Variants in VPS35L observed in about 807,000 individuals in gnomAD.
VPS35L encodes VPS35 endosomal protein sorting factor like, also known as VPS35 endosomal protein-sorting factor-like.
In VPS35L, 83 loss-of-function variants were observed where a neutral mutation model predicts 133.0. The observed-to-expected ratio is 0.62, with a 90% CI of 0.52 to 0.75. VPS35L has a LOEUF of 0.75. Ranked by LOEUF, VPS35L falls within the 30% of genes least tolerant of loss-of-function variation. VPS35L has a pLI of 0.00. For synonymous variants in VPS35L, 423 were observed against 449.9 expected, an observed-to-expected ratio of 0.94 and a Z score of 0.76; for missense variants, 1,083 against 1,206.8, an observed-to-expected ratio of 0.90 and a Z score of 1.52.
intron 27 of VPS35L, among the ~76,000 whole-genome samples, chr16:19,681,049 C>T (rs1386064830): frequency 6.6e-6 from 1 of 152,170 alleles, no homozygotes. Context: ...GCCGTCTGGC[C>T]AAGCCCTGGG....
chr16:19,676,350 G>A (rs1975062023), intron 27 of VPS35L, among the ~76,000 whole-genome samples: 2 of 152,216 alleles, frequency 1.3e-5, no homozygotes, highest in South Asian at 4.1e-4. Flanking sequence ...GGAGTAAACA[G>A]TCCCCAGGGT....
At chr16:19,559,314 C>T (rs1339644643) in intron 1 of VPS35L, among the ~76,000 whole-genome samples, 2 of 152,160 alleles carry the variant, frequency 1.3e-5, no homozygotes, top group Non-Finnish European at 2.9e-5. Context: ...GATGTCATTG[C>T]TGGTGATCTG....
intron 6 of VPS35L, chr16:19,579,338 C>T: frequency 1.9e-6 from 1 of 515,968 alleles, no homozygotes; most frequent in Non-Finnish European, 3.5e-6. Context: ...TTTCTAGAGG[C>T]CTCTTTTCTC....
chr16:19,693,870 C>T (rs552872459), intron 29 of VPS35L, among the ~76,000 whole-genome samples: 35 of 145,930 alleles, frequency 2.4e-4, no homozygotes, highest in East Asian at 4.2e-4. Flanking sequence ...TTGAAGGCTG[C>T]GGCGGGAACT....
At chr16:19,666,967 CCTTTCTTCCTTTCTTT>C (rs1974708192) in intron 26 of VPS35L, among the ~76,000 whole-genome samples, 1 of 126,616 alleles carries the variant, frequency 7.9e-6, no homozygotes, top group African/African-American at 3.1e-5. Flanking sequence ...TTCCTTTCTT[CCTTTCTTCCTTTCTTT>C]CTTTCTTTCT....
chr16:19,556,090 C>T (rs111927496), intron 1 of VPS35L, among the ~76,000 whole-genome samples: 2 of 152,254 alleles, frequency 1.3e-5, no homozygotes, highest in African/African-American at 4.8e-5. Context: ...ATGGTGGACT[C>T]AGCTTTTAAA....
intron 1 of VPS35L, among the ~76,000 whole-genome samples, chr16:19,557,694 C>A (rs944049633): frequency 6.6e-6 from 1 of 152,030 alleles, no homozygotes; most frequent in African/African-American, 2.4e-5. Flanking sequence ...GTGCTCTGAA[C>A]ATTTCCTTTT....
At chr16:19,594,825 T>C (rs1014076765) in intron 8 of VPS35L, among the ~76,000 whole-genome samples, 11 of 151,098 alleles carry the variant, frequency 7.3e-5, no homozygotes, top group Admixed American at 6.6e-5. Flanking sequence ...ATGGAGGGAA[T>C]TAGGTGAGGG....
chr16:19,691,523 T>C (rs763582012), intron 29 of VPS35L, 52 bp downstream of exon 29: 2 of 1,463,670 alleles, frequency 1.4e-6, no homozygotes, highest in Admixed American at 3.4e-5. Flanking sequence ...AAGCACAAGT[T>C]TCCAGGGTGG....
At chr16:19,654,914 A>G (rs1974250840) in intron 26 of VPS35L, among the ~76,000 whole-genome samples, 1 of 152,214 alleles carries the variant, frequency 6.6e-6, no homozygotes, top group Admixed American at 6.5e-5. Context: ...GAAATTTATA[A>G]TTAGATCCCA....
At chr16:19,621,319 G>A (rs1010304409) in intron 14 of VPS35L, among the ~76,000 whole-genome samples, 1 of 152,250 alleles carries the variant, frequency 6.6e-6, no homozygotes, top group African/African-American at 2.4e-5. Context: ...TCTAGGACAT[G>A]GAAGTTGGGA....
At chr16:19,590,729 G>A (rs1461936319) in intron 7 of VPS35L, among the ~76,000 whole-genome samples, 2 of 151,908 alleles carry the variant, frequency 1.3e-5, no homozygotes, top group Non-Finnish European at 2.9e-5. Context: ...TGGGAGGATT[G>A]CTTGAGGTCA....
At chr16:19,573,387 A>G in intron 4 of VPS35L, 146 bp downstream of exon 4, 4 of 895,290 alleles carry the variant, frequency 4.5e-6, no homozygotes, top group Non-Finnish European at 6.5e-6. Context: ...ATAAGGCTTC[A>G]TGTAGTATGT....
chr16:19,588,483 C>T (rs886174439), intron 7 of VPS35L, among the ~76,000 whole-genome samples: 3 of 152,156 alleles, frequency 2.0e-5, no homozygotes, highest in East Asian at 1.9e-4. Flanking sequence ...TGAGCCACCA[C>T]GCCTGGCCTG....
At chr16:19,659,013 C>T (rs1331000161) in intron 26 of VPS35L, among the ~76,000 whole-genome samples, 1 of 152,252 alleles carries the variant, frequency 6.6e-6, no homozygotes, top group East Asian at 1.9e-4. Context: ...ACCACTGTGC[C>T]TCTCTATATT....
At position 19,669,255 on chromosome 16, in the gene VPS35L, C is replaced by G. The variant is rs750120754; in HGVS notation, c.2317C>G (p.Leu773Val). ...GKMRPSESFL[L>V]EFLCNFFSTL... The stretch of plus-strand genomic sequence containing the variant: ...GATGCGGCCATCGGAATCGTTCCTT[C>G]TGGAATTCCTCTGCAATTTCTTTTC... The change falls in exon 27 of 31, where the codon CTG becomes GTG. Residue 773 changes from leucine (L) to valine (V), a missense_variant. Coordinates refer to ENST00000417362, the MANE Select transcript of VPS35L (RefSeq NM_020314.7). 2 of 1,613,166 alleles carry G rather than the reference C, an allele frequency of 1.2e-6. No individual in the cohort carries two copies. The highest frequency in any genetic ancestry group is 1.7e-6 in the Non-Finnish European group (2 of 1,179,396).
chr16:19,651,014 G>A (rs1243255091), intron 25 of VPS35L, among the ~76,000 whole-genome samples: 2 of 151,918 alleles, frequency 1.3e-5, no homozygotes, highest in Non-Finnish European at 2.9e-5. Context: ...GAGTAGCTGG[G>A]ATTACAGACG....
chr16:19,627,088 C>T (rs905858657), intron 15 of VPS35L, among the ~76,000 whole-genome samples: 1 of 152,040 alleles, frequency 6.6e-6, no homozygotes, highest in Non-Finnish European at 1.5e-5. Context: ...TTGAGACCAG[C>T]CTGGCCAACA....
chr16:19,618,287 G>A (rs1645013039), intron 14 of VPS35L, among the ~76,000 whole-genome samples: 1 of 152,066 alleles, frequency 6.6e-6, no homozygotes, highest in Non-Finnish European at 1.5e-5. Flanking sequence ...CTTTAACCGA[G>A]CAATCCCACT....
Sources: allele counts gnomAD v4.1 joint callset (sites outside exome capture counted in the v4.1 genomes callset), GRCh38; gene constraint gnomAD v4.1.1; transcripts MANE v1.5; gene names NCBI Gene and HGNC (gene_info 2026-07-23, HGNC 2026-07-21).